DPP10: variants seen among roughly 807,000 people sequenced by gnomAD.
DPP10 encodes the protein dipeptidyl peptidase like 10.
In DPP10, 33 loss-of-function variants were observed where a neutral mutation model predicts 120.9. The ratio of observed to expected loss-of-function variants is 0.27; its 90% CI spans 0.21 to 0.37. DPP10 has a LOEUF of 0.37. Ranked by LOEUF, DPP10 falls within the 10% of genes least tolerant of loss-of-function variation. The probability of loss-of-function intolerance (pLI) is 1.00; values close to 1 mark genes in which losing one functional copy is unlikely to be tolerated. For missense variants in DPP10, 816 were observed against 942.8 expected, an observed-to-expected ratio of 0.87 and a Z score of 1.76; for synonymous variants, 337 against 326.1, an observed-to-expected ratio of 1.03 and a Z score of -0.36.
At chr2:114,454,264 A>G (rs1471171057) in intron 1 of DPP10, among the ~76,000 whole-genome samples, 1 of 152,180 alleles carries the variant, frequency 6.6e-6, no homozygotes, top group African/African-American at 2.4e-5. Context: ...TGTCATCATC[A>G]TTATTATTTC....
chr2:115,840,727 T>C (rs1236104523), intron 24 of DPP10, 23 bp from the exon 25 acceptor site: 2 of 1,606,016 alleles, frequency 1.2e-6, no homozygotes, highest in South Asian at 2.2e-5. Flanking sequence ...TTTCTTCAGA[T>C]ATCATAATTT....
chr2:115,246,334 C>G (rs1241747638), intron 1 of DPP10, among the ~76,000 whole-genome samples: 1 of 152,074 alleles, frequency 6.6e-6, no homozygotes, highest in Non-Finnish European at 1.5e-5. Context: ...GCTGAGCTTT[C>G]CACCAATGGA....
intron 5 of DPP10, among the ~76,000 whole-genome samples, chr2:115,687,604 T>G (rs2091070108): frequency 7.7e-6 from 1 of 130,052 alleles, no homozygotes; most frequent in South Asian, 2.4e-4. Flanking sequence ...ACTTCTTTAT[T>G]GCAGTCTTCA....
At chr2:114,706,999 T>C (rs569257284) in intron 1 of DPP10, 1 of 152,276 alleles carries the variant, frequency 6.6e-6, no homozygotes, top group East Asian at 1.9e-4. Context: ...CCTGGGTCTG[T>C]GGGTCATGCA....
chr2:115,666,536 A>G (rs898104491), intron 5 of DPP10, among the ~76,000 whole-genome samples: 2 of 152,172 alleles, frequency 1.3e-5, no homozygotes, highest in African/African-American at 4.8e-5. Flanking sequence ...AGCCAAACAT[A>G]TCAAAGGTTA....
At chr2:114,535,612 T>TC (rs1289966291) in intron 1 of DPP10, among the ~76,000 whole-genome samples, 2 of 152,200 alleles carry the variant, frequency 1.3e-5, no homozygotes, top group African/African-American at 4.8e-5. Context: ...AAACATTCTC[T>TC]CAGTTTGGAT....
At chr2:115,383,005 A>G (rs1454327302) in intron 3 of DPP10, among the ~76,000 whole-genome samples, 1 of 152,206 alleles carries the variant, frequency 6.6e-6, no homozygotes, top group East Asian at 1.9e-4. Flanking sequence ...ACAACTCCTT[A>G]TGATTTTTCA....
At chr2:114,449,557 T>C (rs536130278) in intron 1 of DPP10, among the ~76,000 whole-genome samples, 1 of 151,586 alleles carries the variant, frequency 6.6e-6, no homozygotes, top group South Asian at 2.1e-4. Flanking sequence ...ATAAGGCAGA[T>C]CGGATGGCTT....
At chr2:115,791,047 G>T (rs752344165) in intron 17 of DPP10, 34 bp from the exon 18 acceptor site, 3 of 1,493,978 alleles carry the variant, frequency 2.0e-6, no homozygotes, top group South Asian at 1.2e-5. Flanking sequence ...ATGCATAGGG[G>T]TTAGCTATTT....
chr2:115,683,620 A>G (rs1390068256), intron 5 of DPP10, among the ~76,000 whole-genome samples: 1 of 151,780 alleles, frequency 6.6e-6, no homozygotes, highest in Non-Finnish European at 1.5e-5. Context: ...TACTCTCTGT[A>G]ACTTCCACTC....
chr2:115,043,214 T>C (rs1290454787), intron 1 of DPP10, among the ~76,000 whole-genome samples: 3 of 152,228 alleles, frequency 2.0e-5, no homozygotes, highest in African/African-American at 7.2e-5. Flanking sequence ...TTTTTCTCTT[T>C]AAAATATAAT....
At chr2:115,013,742 G>A (rs1463109022) in intron 1 of DPP10, among the ~76,000 whole-genome samples, 3 of 147,622 alleles carry the variant, frequency 2.0e-5, no homozygotes, top group Admixed American at 6.8e-5. Context: ...ATCAAACAAA[G>A]GCTAAGAAGG....
intron 1 of DPP10, among the ~76,000 whole-genome samples, chr2:114,970,773 A>T (rs989510799): frequency 1.3e-5 from 2 of 152,300 alleles, no homozygotes; most frequent in Non-Finnish European, 2.9e-5. Flanking sequence ...CAACCCCAAG[A>T]TTATTGATCT....
intron 1 of DPP10, among the ~76,000 whole-genome samples, chr2:114,970,158 A>C (rs1699301167): frequency 6.6e-6 from 1 of 152,132 alleles, no homozygotes. Context: ...TGGAGCATGC[A>C]CAAGTTTTCA....
At position 115,782,353 on chromosome 2, in the gene DPP10, T is replaced by C. The variant is rs756496702; in HGVS notation, c.1485T>C (p.Gly495=). 1 of 1,611,300 alleles carries C rather than the reference T, an allele frequency of 6.2e-7. No individual in the cohort carries two copies. Among genetic ancestry groups the C allele is most frequent in the East Asian group, 2.2e-5 (1 of 44,840 alleles). ...MNQHFLLFCE[G]PRVPVVSLHS... ...TATACACATATTTTTAAATTCCAGG[T>C]CCAAGGGTCCCAGTGGTCAGCCTAC... Residue 495 remains glycine (G), a splice_region_variant and synonymous_variant, in exon 17 of 26, where the codon GGT becomes GGC. Coordinates refer to ENST00000410059, the MANE Select transcript of DPP10 (RefSeq NM_020868.6).
At chr2:115,733,265 G>A (rs1321674012) in intron 8 of DPP10, among the ~76,000 whole-genome samples, 3 of 151,958 alleles carry the variant, frequency 2.0e-5, no homozygotes, top group Non-Finnish European at 4.4e-5. Flanking sequence ...GTCTTTTGGC[G>A]ACATGAAATT....
At chr2:114,482,748 G>T (rs10206709) in intron 1 of DPP10, among the ~76,000 whole-genome samples, 11,773 of 152,076 alleles carry the variant, frequency 0.077, 1,481 homozygotes, top group African/African-American at 0.27. Flanking sequence ...GCTTTATTTT[G>T]TCAGAGATTG....
chr2:115,212,631 A>G (rs941642900), intron 1 of DPP10, among the ~76,000 whole-genome samples: 2 of 152,194 alleles, frequency 1.3e-5, no homozygotes, highest in African/African-American at 4.8e-5. Flanking sequence ...AAAGAAAAAA[A>G]GTATTTAACC....
intron 21 of DPP10, among the ~76,000 whole-genome samples, chr2:115,832,657 A>G (rs947229246): frequency 6.6e-5 from 10 of 152,220 alleles, no homozygotes; most frequent in African/African-American, 2.4e-4. Context: ...CCAAATTTTC[A>G]TATTTACAAA....
Sources: gnomAD v4.1 joint callset for allele counts (sites outside exome capture counted in the v4.1 genomes callset) on GRCh38, gnomAD v4.1.1 for gene constraint, MANE v1.5 for transcripts, NCBI Gene and HGNC (gene_info 2026-07-23, HGNC 2026-07-21) for gene names.